Variants in C11orf65 observed in about 807,000 individuals in gnomAD.
The protein encoded by C11orf65 is chromosome 11 open reading frame 65, also known as protein MFI.
Under a neutral mutation model 35.3 loss-of-function variants are expected in C11orf65, and 38 were observed. The ratio of observed to expected loss-of-function variants is 1.08; its 90% CI spans 0.83 to 1.41. The LOEUF (loss-of-function observed/expected upper bound fraction) is 1.41. Among genes scored for constraint, C11orf65 ranks in the 40% most tolerant of loss-of-function variants. C11orf65 has a pLI of 0.00. For synonymous variants in C11orf65, 105 were observed against 114.4 expected (o/e 0.92, Z 0.53); for missense variants, 370 against 367.1 (o/e 1.01, Z -0.06).
chr11:108,420,173 C>CT (rs2092795114), intron 3 of C11orf65, among the ~76,000 whole-genome samples: 2 of 152,128 alleles, frequency 1.3e-5, no homozygotes, highest in African/African-American at 4.8e-5. Flanking sequence ...AGTTATAAAT[C>CT]TAGCAAAAGA....
At chr11:108,347,781 G>A (rs1294126943) in intron 2 of C11orf65, among the ~76,000 whole-genome samples, 1 of 152,090 alleles carries the variant, frequency 6.6e-6, no homozygotes, top group Non-Finnish European at 1.5e-5. Flanking sequence ...GTACTAGACT[G>A]TAAAAAGCCA....
At chr11:108,332,640 T>C (rs1591177048) in intron 3 of C11orf65, 1 of 1,084,300 alleles carries the variant, frequency 9.2e-7, no homozygotes, top group South Asian at 1.4e-5. Context: ...ATCTGAGGAA[T>C]TATAATCATT....
chr11:108,391,911 C>A (rs1050262374), intron 7 of C11orf65, among the ~76,000 whole-genome samples: 3 of 152,196 alleles, frequency 2.0e-5, no homozygotes, highest in African/African-American at 7.2e-5. Flanking sequence ...TAGATCAGAA[C>A]TTAATTTCTT....
At chr11:108,428,760 A>G (rs2092944533) in intron 3 of C11orf65, among the ~76,000 whole-genome samples, 3 of 152,214 alleles carry the variant, frequency 2.0e-5, no homozygotes. Flanking sequence ...ATGTATACCT[A>G]TGTAACAAAC....
At chr11:108,426,577 A>C (rs2092905787) in intron 3 of C11orf65, among the ~76,000 whole-genome samples, 1 of 152,154 alleles carries the variant, frequency 6.6e-6, no homozygotes, top group Non-Finnish European at 1.5e-5. Context: ...TACTGCCCAA[A>C]GTAATTTATA....
At chr11:108,336,314 G>A in intron 2 of C11orf65, 4 of 174,636 alleles carry the variant, frequency 2.3e-5, no homozygotes, top group African/African-American at 2.4e-5. Flanking sequence ...GTTTAAAAAA[G>A]AAGAAGAAGA....
chr11:108,415,730 T>G (rs1565668217), intron 3 of C11orf65, among the ~76,000 whole-genome samples: 2 of 152,074 alleles, frequency 1.3e-5, no homozygotes, highest in Non-Finnish European at 2.9e-5. Flanking sequence ...ACTACAATAA[T>G]CAAGACACTG....
intron 6 of C11orf65, among the ~76,000 whole-genome samples, chr11:108,310,591 C>G (rs1333166930): frequency 1.3e-5 from 2 of 151,918 alleles, no homozygotes; most frequent in Non-Finnish European, 2.9e-5. Context: ...TGTATATTCC[C>G]CATAATAGCC....
rs1057520672 is a variant in C11orf65, at chr11:108,347,335, C to T, written c.227-12043G>A. ...TGTACAGAATATCTTGATAAATGAG[C>T]AGTCAGCAGAACTTGTACATATAGA... On this transcript the variant is annotated intron_variant, in intron 2 of 3. Transcript: ENST00000524755. The T allele has an allele frequency of 6.2e-7, 1 of 1,610,186 alleles. No individual in the cohort carries two copies. Among genetic ancestry groups the T allele is most frequent in the Non-Finnish European group, 8.5e-7 (1 of 1,176,698 alleles).
chr11:108,413,292 T>C (rs2092686266), intron 3 of C11orf65, among the ~76,000 whole-genome samples: 1 of 152,162 alleles, frequency 6.6e-6, no homozygotes, highest in Admixed American at 6.5e-5. Flanking sequence ...CATCACCCAA[T>C]TAATGTACAT....
At chr11:108,463,924 A>ATTTTTTTTTTTTTTTTTT (rs10677306) in intron 1 of C11orf65, among the ~76,000 whole-genome samples, 1 of 132,440 alleles carries the variant, frequency 7.6e-6, no homozygotes. Context: ...AGATTTGTTA[A>ATTTTTTTTTTTTTTTTTT]TTTTTTTTTT....
At chr11:108,335,175 TC>T in intron 3 of C11orf65, 4 of 1,609,312 alleles carry the variant, frequency 2.5e-6, no homozygotes, top group Non-Finnish European at 2.5e-6. Flanking sequence ...GTTCATATTT[TC>T]TTTCTGCTTT....
chr11:108,400,715 T>C (rs1315334772), intron 6 of C11orf65, among the ~76,000 whole-genome samples: 1 of 152,162 alleles, frequency 6.6e-6, no homozygotes, highest in African/African-American at 2.4e-5. Flanking sequence ...AAAGTTCCAT[T>C]AGTCCCAGTG....
chr11:108,367,334 T>A, intron 2 of C11orf65: 1 of 184,960 alleles, frequency 5.4e-6, no homozygotes, highest in Non-Finnish European at 1.1e-5. Flanking sequence ...TCTTGTAAGT[T>A]CTGCTATGTA....
chr11:108,332,063 T>G (rs768474765), intron 3 of C11orf65: 4 of 1,611,288 alleles, frequency 2.5e-6, no homozygotes, highest in Admixed American at 3.3e-5. Flanking sequence ...ATACGTACCT[T>G]TTAGAAGTGT....
intron 2 of C11orf65, chr11:108,335,366 A>G (rs1199473404): frequency 8.6e-7 from 1 of 1,159,700 alleles, no homozygotes; most frequent in Non-Finnish European, 1.2e-6. Flanking sequence ...ATGTACAGTG[A>G]GGTTGCTTCT....
intron 6 of C11orf65, chr11:108,316,159 T>C: frequency 1.3e-6 from 2 of 1,522,516 alleles, no homozygotes; most frequent in Non-Finnish European, 1.8e-6. Flanking sequence ...AGTGTAGTGC[T>C]GAGGTTATTT....
exon 3 of C11orf65, chr11:108,335,233 T>C: frequency 6.4e-7 from 1 of 1,556,542 alleles, no homozygotes; most frequent in East Asian, 2.4e-5. Context: ...TGAGGAAGAT[T>C]TGTAGAGTAG....
chr11:108,431,669 T>G, intron 3 of C11orf65, 77 bp downstream of exon 3: 1 of 739,870 alleles, frequency 1.4e-6, no homozygotes, highest in Non-Finnish European at 2.0e-6. Context: ...ACAAATATGA[T>G]GAGCACACTG....
Sources: gnomAD v4.1 joint callset for allele counts (sites outside exome capture counted in the v4.1 genomes callset) on GRCh38, gnomAD v4.1.1 for gene constraint, MANE v1.5 for transcripts, NCBI Gene and HGNC (gene_info 2026-07-23, HGNC 2026-07-21) for gene names.